Variants in TIAM2 observed in about 807,000 individuals in gnomAD.
The protein encoded by TIAM2 is TIAM Rac1 associated GEF 2, also known as rho guanine nucleotide exchange factor TIAM2.
In TIAM2, 80 loss-of-function variants were observed where a neutral mutation model predicts 152.9. That is an observed-to-expected ratio of 0.52 (90% CI 0.44 to 0.63). The LOEUF is 0.63. TIAM2 is among the 30% of genes least tolerant of loss of function. The pLI is 0.00. For missense variants in TIAM2, 1,965 were observed against 2,120.1 expected, an observed-to-expected ratio of 0.93 and a Z score of 1.44; for synonymous variants, 804 against 838.0, an observed-to-expected ratio of 0.96 and a Z score of 0.70.
In TIAM2 at chr6:155,128,061, C is replaced by G. The variant is rs529667569; in HGVS notation, c.-7+461C>G. 2.6e-5 allele frequency among the ~76,000 whole-genome samples: 4 copies of G among 152,272 alleles called. No homozygotes were observed. The South Asian group carries it at 8.3e-4, about 32-fold the overall frequency. On this transcript the variant is annotated intron_variant, in intron 3 of 26. Transcript: ENST00000682666. ...TTCTTTCCTCCCTTCCTCCCTCCCT[C>G]CTTCTCCCCCTTTTCACTTTGAGTT...
At chr6:155,142,590 C>G (rs1299364232) in intron 5 of TIAM2, among the ~76,000 whole-genome samples, 1 of 152,224 alleles carries the variant, frequency 6.6e-6, no homozygotes, top group African/African-American at 2.4e-5. Context: ...GCATGTGCAA[C>G]AGTAGCATCA....
At chr6:155,159,198 A>T (rs981315431) in intron 7 of TIAM2, among the ~76,000 whole-genome samples, 3 of 152,224 alleles carry the variant, frequency 2.0e-5, no homozygotes, top group Non-Finnish European at 4.4e-5. Flanking sequence ...CTGGTAGGAT[A>T]TTGAAATGTA....
chr6:155,028,486 C>CAT (rs1554225308), intron 1 of TIAM2, among the ~76,000 whole-genome samples: 5 of 103,104 alleles, frequency 4.8e-5, no homozygotes, highest in Admixed American at 1.0e-4. Flanking sequence ...ACATATACTA[C>CAT]ATATATATAC....
chr6:155,207,873 G>A (rs931023120), intron 14 of TIAM2, among the ~76,000 whole-genome samples: 3 of 152,156 alleles, frequency 2.0e-5, no homozygotes, highest in Non-Finnish European at 4.4e-5. Context: ...ACAGTGGTTC[G>A]GGGAGTTTTC....
intron 1 of TIAM2, among the ~76,000 whole-genome samples, chr6:155,072,013 C>T (rs989887531): frequency 6.6e-6 from 1 of 151,938 alleles, no homozygotes; most frequent in African/African-American, 2.4e-5. Context: ...AGAAATTTGT[C>T]AAGCTTCTAA....
In TIAM2 at chr6:155,028,876, A is replaced by G. The variant is rs954363234; in HGVS notation, c.-209+33384A>G. ...ATACACTGTATATACTATCTATACT[A>G]TGTTATATATACACTGTATATACTA... On this transcript the variant is annotated intron_variant, in intron 1 of 26. Coordinates refer to ENST00000682666, the MANE Select transcript of TIAM2 (RefSeq NM_012454.4). 6.8e-4 allele frequency among the ~76,000 whole-genome samples: 80 copies of G among 117,856 alleles called. 10 individuals are homozygous for G. Among genetic ancestry groups the G allele is most frequent in the African/African-American group, 2.4e-3 (74 of 30,738 alleles). 77.3% of individuals were successfully genotyped at this position (117,856 alleles called of 152,430 possible). A position where few individuals can be genotyped will look rare whatever the true frequency, so the allele number is the denominator to read the frequency against.
intron 2 of TIAM2, among the ~76,000 whole-genome samples, chr6:155,113,627 G>C (rs1296900468): frequency 6.6e-6 from 1 of 152,056 alleles, no homozygotes; most frequent in Admixed American, 6.5e-5. Flanking sequence ...GGGAGGCTGC[G>C]GCAGGAGAAT....
intron 15 of TIAM2, 128 bp downstream of exon 15, chr6:155,211,435 T>C: frequency 1.6e-6 from 1 of 641,856 alleles, no homozygotes; most frequent in South Asian, 1.9e-5. Context: ...CAAACATACA[T>C]ATATATGTTA....
chr6:155,167,683 G>T (rs763276231), intron 9 of TIAM2, among the ~76,000 whole-genome samples: 2 of 152,038 alleles, frequency 1.3e-5, no homozygotes, highest in African/African-American at 4.8e-5. Flanking sequence ...AATGGGGATG[G>T]GAGTGGTCTC....
At chr6:155,132,987 C>T (rs986750817) in intron 4 of TIAM2, among the ~76,000 whole-genome samples, 9 of 152,200 alleles carry the variant, frequency 5.9e-5, no homozygotes, top group Non-Finnish European at 8.8e-5. Flanking sequence ...CTCCTACCCA[C>T]GGGAACTGGG....
At position 155,057,240 on chromosome 6, in the gene TIAM2, T is replaced by A. The variant is rs376424910; in HGVS notation, c.-208-33049T>A. Among the ~76,000 whole-genome samples the A allele has an allele frequency of 6.7e-4, 102 of 151,948 alleles. No homozygotes were observed. The South Asian group carries it at 0.019, about 28-fold the overall frequency. The stretch of plus-strand genomic sequence containing the variant: ...TTTAAATTAGAACCGGTTTTCACCA[T>A]GTTGCCCAGGCTGGTTTTGAACTCC... On this transcript the variant is annotated intron_variant, in intron 1 of 26. Coordinates refer to ENST00000682666, the MANE Select transcript of TIAM2 (RefSeq NM_012454.4).
At chr6:155,192,499 C>A (rs1781231329) in intron 14 of TIAM2, among the ~76,000 whole-genome samples, 1 of 152,118 alleles carries the variant, frequency 6.6e-6, no homozygotes. Context: ...GTTATGCGGG[C>A]CACATCTATA....
At chr6:155,045,865 TTTTG>T (rs1290564968) in intron 1 of TIAM2, among the ~76,000 whole-genome samples, 4 of 121,380 alleles carry the variant, frequency 3.3e-5, no homozygotes, top group Admixed American at 8.2e-5. Flanking sequence ...TTTTTTTGGT[TTTTG>T]TTTGTTTGTT....
intron 1 of TIAM2, among the ~76,000 whole-genome samples, chr6:155,045,634 A>G (rs529925856): frequency 7.9e-5 from 12 of 151,952 alleles, no homozygotes; most frequent in Non-Finnish European, 1.8e-4. Context: ...GTTCCATTTG[A>G]TCTTCTCTGT....
chr6:155,106,601 A>C (rs1212122989), intron 2 of TIAM2, among the ~76,000 whole-genome samples: 1 of 152,206 alleles, frequency 6.6e-6, no homozygotes, highest in East Asian at 1.9e-4. Flanking sequence ...TGATCATAAC[A>C]TTCCAGCTGT....
At chr6:155,208,913 C>T (rs370512494) in intron 14 of TIAM2, among the ~76,000 whole-genome samples, 2 of 152,058 alleles carry the variant, frequency 1.3e-5, no homozygotes, top group African/African-American at 4.8e-5. Flanking sequence ...CCTGATGGTG[C>T]CCGGCTCCTC....
At chr6:155,052,195 G>A (rs1218466459) in intron 1 of TIAM2, among the ~76,000 whole-genome samples, 1 of 152,098 alleles carries the variant, frequency 6.6e-6, no homozygotes, top group Non-Finnish European at 1.5e-5. Context: ...TAACTATTTA[G>A]TGCTGCTATA....
chr6:155,254,182 C>T lies in TIAM2; in HGVS notation c.4313+122C>T, dbSNP rs986282876. On this transcript the variant is annotated intron_variant, in intron 25 of 26. Transcript: ENST00000682666. Reference sequence around the variant, plus strand: ...TATCAGGGTCATACTCCCCACCCTCCGAAAAAGGCAACTGAGGCCGCTAGT... The same window carrying T: ...TATCAGGGTCATACTCCCCACCCTCTGAAAAAGGCAACTGAGGCCGCTAGT... 57 of 1,152,086 alleles carry T rather than the reference C, an allele frequency of 4.9e-5. No individual in the cohort carries two copies. The Admixed American group carries it at 6.2e-4, about 13-fold the overall frequency. The allele number at this position is 1,152,086 out of a possible 1,614,324, so 71.4% of individuals were successfully genotyped here.
At chr6:155,101,214 C>T (rs1194972077) in intron 2 of TIAM2, among the ~76,000 whole-genome samples, 1 of 152,194 alleles carries the variant, frequency 6.6e-6, no homozygotes, top group Non-Finnish European at 1.5e-5. Context: ...CTGAGGATCT[C>T]AGGATTCTCA....
Sources: allele counts gnomAD v4.1 joint callset (sites outside exome capture counted in the v4.1 genomes callset), GRCh38; gene constraint gnomAD v4.1.1; transcripts MANE v1.5; gene names NCBI Gene and HGNC (gene_info 2026-07-23, HGNC 2026-07-21).